Variants in PTPRD observed in about 807,000 individuals in gnomAD.
PTPRD encodes the protein receptor-type tyrosine-protein phosphatase delta.
PTPRD carries 34 observed loss-of-function variants against 214.5 expected under a neutral mutation model. That is an observed-to-expected ratio of 0.16 (90% CI 0.12 to 0.21). The LOEUF (loss-of-function observed/expected upper bound fraction) is 0.21, where lower values mean the gene tolerates loss of function less well. Among genes scored for constraint, PTPRD ranks in the 10% least tolerant of loss-of-function variants. The probability of loss-of-function intolerance (pLI) is 1.00; values close to 1 mark genes in which losing one functional copy is unlikely to be tolerated. For missense variants in PTPRD, 2,545 were observed against 2,398.7 expected (o/e 1.06, Z -1.27); for synonymous variants, 1,128 against 845.7 (o/e 1.33, Z -5.79).
At chr9:8,453,271 C>G (rs1355231579) in intron 33 of PTPRD, among the ~76,000 whole-genome samples, 1 of 152,180 alleles carries the variant, frequency 6.6e-6, no homozygotes, top group African/African-American at 2.4e-5. Flanking sequence ...TCATGCCATT[C>G]TCCTGCCTCA....
chr9:9,365,347 T>A (rs1165871752), intron 9 of PTPRD, among the ~76,000 whole-genome samples: 2 of 151,586 alleles, frequency 1.3e-5, no homozygotes, highest in African/African-American at 4.8e-5. Flanking sequence ...ATAGTTGGTA[T>A]TAGCCTTAAT....
chr9:8,791,202 G>T lies in PTPRD; in HGVS notation c.-103-57256C>A, dbSNP rs141540344. Among the ~76,000 whole-genome samples, 55 of 152,166 alleles carry T rather than the reference G, an allele frequency of 3.6e-4. 1 individual carries two copies. In the East Asian group the frequency reaches 9.9e-3, roughly 27 times the overall value. On this transcript the variant is annotated intron_variant, in intron 11 of 45. Coordinates refer to ENST00000381196, the MANE Select transcript of PTPRD (RefSeq NM_002839.4). The stretch of plus-strand genomic sequence containing the variant: ...AAGGATGTAGAAAGAATACAATGCA[G>T]AGGAGAAGACAATTTTTTTTTTCCT...
At chr9:10,245,798 A>G (rs962410123) in intron 3 of PTPRD, among the ~76,000 whole-genome samples, 2 of 152,144 alleles carry the variant, frequency 1.3e-5, no homozygotes, top group African/African-American at 4.8e-5. Flanking sequence ...TAGGTGAGGC[A>G]ATATATGAAG....
chr9:8,551,875 T>C (rs549231633), intron 14 of PTPRD, among the ~76,000 whole-genome samples: 1 of 152,314 alleles, frequency 6.6e-6, no homozygotes, highest in East Asian at 1.9e-4. Flanking sequence ...ACCAGAAATG[T>C]GATCCAGTCA....
chr9:10,214,307 A>C (rs921753723), intron 3 of PTPRD, among the ~76,000 whole-genome samples: 18 of 151,146 alleles, frequency 1.2e-4, no homozygotes, highest in African/African-American at 4.4e-4. Flanking sequence ...ACAGACTTTC[A>C]CTCTTGTCGC....
chr9:8,972,817 T>C (rs2099246483), intron 11 of PTPRD, among the ~76,000 whole-genome samples: 1 of 152,008 alleles, frequency 6.6e-6, no homozygotes, highest in African/African-American at 2.4e-5. Context: ...GTTTGCAAGC[T>C]GTCCTGAGAC....
intron 35 of PTPRD, among the ~76,000 whole-genome samples, chr9:8,409,425 G>C (rs1208172778): frequency 1.3e-5 from 2 of 152,234 alleles, no homozygotes; most frequent in East Asian, 3.9e-4. Context: ...CTATTCTCTT[G>C]AAACACAACG....
chr9:9,982,461 GTT>G (rs1321373838), intron 4 of PTPRD, among the ~76,000 whole-genome samples: 21 of 55,678 alleles, frequency 3.8e-4, no homozygotes, highest in African/African-American at 1.4e-3. Context: ...ATATATTGTT[GTT>G]GTGGTGGTGG....
chr9:8,910,261 T>C (rs1404613030), intron 11 of PTPRD, among the ~76,000 whole-genome samples: 1 of 151,936 alleles, frequency 6.6e-6, no homozygotes, highest in African/African-American at 2.4e-5. Flanking sequence ...ATGGTCTCGA[T>C]CTCCTGACCT....
chr9:9,706,480 C>T (rs2097610781), intron 7 of PTPRD, among the ~76,000 whole-genome samples: 1 of 151,568 alleles, frequency 6.6e-6, no homozygotes, highest in South Asian at 2.1e-4. Flanking sequence ...ACTCTGGTCT[C>T]ACAGGCTGGA....
chr9:9,832,007 G>C (rs1350418809), intron 5 of PTPRD, among the ~76,000 whole-genome samples: 1 of 151,936 alleles, frequency 6.6e-6, no homozygotes, highest in East Asian at 1.9e-4. Flanking sequence ...AATCCAAAAT[G>C]TTGAGTAAAT....
chr9:10,117,417 G>GA (rs2098739039), intron 3 of PTPRD, among the ~76,000 whole-genome samples: 1 of 151,996 alleles, frequency 6.6e-6, no homozygotes, highest in Non-Finnish European at 1.5e-5. Flanking sequence ...ACAAAAACAA[G>GA]AAAAATTTAT....
At chr9:9,547,059 T>C (rs1313140847) in intron 8 of PTPRD, among the ~76,000 whole-genome samples, 1 of 151,970 alleles carries the variant, frequency 6.6e-6, no homozygotes, top group Non-Finnish European at 1.5e-5. Flanking sequence ...CTCATGCTTG[T>C]ATGCTTGGTA....
intron 33 of PTPRD, among the ~76,000 whole-genome samples, chr9:8,458,359 C>G (rs890398920): frequency 6.6e-6 from 1 of 152,054 alleles, no homozygotes; most frequent in Non-Finnish European, 1.5e-5. Context: ...CCATATACAT[C>G]TGTTGCTTGG....
intron 9 of PTPRD, among the ~76,000 whole-genome samples, chr9:9,263,113 C>T (rs2099980857): frequency 6.6e-6 from 1 of 151,614 alleles, no homozygotes; most frequent in African/African-American, 2.4e-5. Flanking sequence ...AAAGTACAGT[C>T]ACAAGTTCTG....
At chr9:8,983,849 T>A (rs1055282475) in intron 11 of PTPRD, among the ~76,000 whole-genome samples, 1 of 151,984 alleles carries the variant, frequency 6.6e-6, no homozygotes, top group Non-Finnish European at 1.5e-5. Context: ...TTACTATAAC[T>A]ATCTAATCTA....
intron 12 of PTPRD, among the ~76,000 whole-genome samples, chr9:8,697,811 A>G (rs2097958103): frequency 6.6e-6 from 1 of 152,074 alleles, no homozygotes; most frequent in African/African-American, 2.4e-5. Context: ...AATTGTATGC[A>G]ATGACATTAT....
At chr9:9,602,461 T>C (rs984912930) in intron 7 of PTPRD, among the ~76,000 whole-genome samples, 6 of 152,072 alleles carry the variant, frequency 3.9e-5, no homozygotes, top group African/African-American at 1.4e-4. Context: ...CTTCTAAACA[T>C]TTGTAATTTT....
intron 10 of PTPRD, among the ~76,000 whole-genome samples, chr9:9,117,865 G>C (rs2099813824): frequency 6.6e-6 from 1 of 151,880 alleles, no homozygotes; most frequent in Non-Finnish European, 1.5e-5. Flanking sequence ...ATGTATGGTA[G>C]AGGCAAAGAA....
Sources: allele counts gnomAD v4.1 joint callset (sites outside exome capture counted in the v4.1 genomes callset), GRCh38; gene constraint gnomAD v4.1.1; transcripts MANE v1.5; gene names NCBI Gene and HGNC (gene_info 2026-07-23, HGNC 2026-07-21).